Variants in SCN9A observed in about 807,000 individuals in gnomAD.
The protein encoded by SCN9A is sodium voltage-gated channel alpha subunit 9, also known as sodium channel protein type 9 subunit alpha.
In SCN9A, 131 loss-of-function variants were observed where a neutral mutation model predicts 187.0. The observed-to-expected ratio is 0.70, with a 90% CI of 0.61 to 0.81. The LOEUF (loss-of-function observed/expected upper bound fraction) is 0.81, where lower values mean the gene tolerates loss of function less well. Among genes scored for constraint, SCN9A ranks in the 30% least tolerant of loss-of-function variants. The probability of loss-of-function intolerance (pLI) is 0.00; values close to 1 mark genes in which losing one functional copy is unlikely to be tolerated. For synonymous variants in SCN9A, 809 were observed against 808.6 expected, an observed-to-expected ratio of 1.00 and a Z score of -0.01; for missense variants, 2,252 against 2,396.6, an observed-to-expected ratio of 0.94 and a Z score of 1.26.
chr2:166,225,305 T>C (rs1436911637), intron 24 of SCN9A, among the ~76,000 whole-genome samples: 2 of 152,178 alleles, frequency 1.3e-5, no homozygotes, highest in East Asian at 3.8e-4. Flanking sequence ...TTCTCAATTG[T>C]CACGTATTTC....
intron 1 of SCN9A, among the ~76,000 whole-genome samples, chr2:166,321,986 A>G (rs1028622281): frequency 1.3e-5 from 2 of 152,080 alleles, no homozygotes; most frequent in South Asian, 2.1e-4. Flanking sequence ...CTGTAAAATA[A>G]TCAAGAGTTA....
intron 1 of SCN9A, among the ~76,000 whole-genome samples, chr2:166,360,298 A>T (rs1332613438): frequency 6.6e-6 from 1 of 151,730 alleles, no homozygotes; most frequent in Admixed American, 6.6e-5. Flanking sequence ...GGGAAAACTT[A>T]AGATTAGTGT....
At chr2:166,207,114 T>C (rs1008972030) in intron 24 of SCN9A, among the ~76,000 whole-genome samples, 1 of 152,236 alleles carries the variant, frequency 6.6e-6, no homozygotes, top group Non-Finnish European at 1.5e-5. Context: ...TACAGATTTA[T>C]GTATATTCTA....
intron 1 of SCN9A, among the ~76,000 whole-genome samples, chr2:166,344,444 C>A (rs551440261): frequency 6.6e-6 from 1 of 152,052 alleles, no homozygotes; most frequent in African/African-American, 2.4e-5. Flanking sequence ...CAGCATCTTA[C>A]GAAACTAAGG....
At chr2:166,327,552 T>C (rs1699394753) in intron 1 of SCN9A, among the ~76,000 whole-genome samples, 1 of 152,168 alleles carries the variant, frequency 6.6e-6, no homozygotes, top group South Asian at 2.1e-4. Context: ...ATTTATTATA[T>C]TTAGGGATTT....
At chr2:166,310,289 T>G (rs71428910) in intron 2 of SCN9A, among the ~76,000 whole-genome samples, 7,892 of 64,736 alleles carry the variant, frequency 0.12, 3,181 homozygotes, top group African/African-American at 0.5. Context: ...CACAGCAAAA[T>G]AAACTACCAT....
chr2:166,216,337 G>A (rs545824821), intron 24 of SCN9A, among the ~76,000 whole-genome samples: 4 of 152,078 alleles, frequency 2.6e-5, no homozygotes, highest in African/African-American at 4.8e-5. Flanking sequence ...CAAGGATATC[G>A]ACTATTACCA....
At chr2:166,256,216 T>C (rs937347439) in intron 17 of SCN9A, among the ~76,000 whole-genome samples, 3 of 151,446 alleles carry the variant, frequency 2.0e-5, no homozygotes, top group Non-Finnish European at 3.0e-5. Context: ...TATCCTCTTA[T>C]AGAGTTTTTA....
intron 7 of SCN9A, among the ~76,000 whole-genome samples, chr2:166,299,836 T>A (rs991599400): frequency 6.6e-6 from 1 of 150,862 alleles, no homozygotes; most frequent in African/African-American, 2.5e-5. Flanking sequence ...TTTAGCTAGC[T>A]AATAGTGACC....
intron 21 of SCN9A, 113 bp downstream of exon 21, chr2:166,233,227 A>G (rs1695173980): frequency 1.5e-6 from 1 of 676,248 alleles, no homozygotes; most frequent in Non-Finnish European, 2.3e-6. Flanking sequence ...ATACATAAAC[A>G]GCCTATGTAT....
chr2:166,284,307 C>G lies in SCN9A; in HGVS notation c.1974+146G>C. On this transcript the variant is annotated intron_variant, in intron 12 of 26. Transcript: ENST00000642356. ...TACAACACATAGAATGAGGATTAGG[C>G]TAATGAATCAAAGGTGTGTTCCTAT... 3.3e-6 allele frequency: 3 copies of G among 910,248 alleles called. No homozygotes were observed. In the East Asian group the frequency reaches 7.9e-5, roughly 24 times the overall value. 56.4% of individuals were successfully genotyped at this position (910,248 alleles called of 1,614,324 possible).
At chr2:166,340,168 G>T (rs1030877925) in intron 1 of SCN9A, among the ~76,000 whole-genome samples, 2 of 151,992 alleles carry the variant, frequency 1.3e-5, no homozygotes, top group African/African-American at 4.8e-5. Flanking sequence ...AACACATCTT[G>T]GGAAGAATGT....
At chr2:166,296,491 G>A (rs565583736) in intron 7 of SCN9A, among the ~76,000 whole-genome samples, 1 of 152,184 alleles carries the variant, frequency 6.6e-6, no homozygotes, top group South Asian at 2.1e-4. Context: ...GGGCCTGGTA[G>A]AGTGAGTATG....
At chr2:166,238,815 G>A (rs1406857885) in intron 19 of SCN9A, among the ~76,000 whole-genome samples, 1 of 152,074 alleles carries the variant, frequency 6.6e-6, no homozygotes, top group Admixed American at 6.6e-5. Context: ...AACACAGAGG[G>A]TGCTTTTTCC....
At chr2:166,314,178 T>G (rs1385793381) in intron 1 of SCN9A, among the ~76,000 whole-genome samples, 1 of 152,190 alleles carries the variant, frequency 6.6e-6, no homozygotes, top group Non-Finnish European at 1.5e-5. Flanking sequence ...GTGACACAGA[T>G]GCATGAAGTG....
chr2:166,355,005 A>G (rs1700119291), intron 1 of SCN9A, among the ~76,000 whole-genome samples: 3 of 152,190 alleles, frequency 2.0e-5, no homozygotes, highest in Admixed American at 6.6e-5. Flanking sequence ...GTGCAATCAT[A>G]GCTGACTGCA....
chr2:166,243,320 C>T (rs879438953), intron 18 of SCN9A, among the ~76,000 whole-genome samples: 2 of 152,012 alleles, frequency 1.3e-5, no homozygotes, highest in Non-Finnish European at 2.9e-5. Flanking sequence ...ACCCTTGTTA[C>T]GTATCTTTTA....
rs397868358 is a variant in SCN9A, at chr2:166,319,349, C to CAA, written c.-50-7545_-50-7544dup. Reference sequence around the variant, plus strand: ...TAAGTTACTTTGGATTAAGGTAGAGCAAAAAAAAAAAAGTACTTCTAAAAC... The same window carrying CAA: ...TAAGTTACTTTGGATTAAGGTAGAGCAAAAAAAAAAAAAAGTACTTCTAAAAC... On this transcript the variant is annotated intron_variant, in intron 1 of 26. Transcript: ENST00000642356. 5.0e-3 allele frequency among the ~76,000 whole-genome samples: 676 copies of CAA among 134,812 alleles called. 5 individuals carry two copies. The highest frequency in any genetic ancestry group is 0.015 in the African/African-American group (522 of 35,656). 88.4% of individuals were successfully genotyped at this position (134,812 alleles called of 152,430 possible).
At chr2:166,311,854 A>G (rs1698973864) in intron 1 of SCN9A, 48 bp from the exon 2 acceptor site, 1 of 1,202,402 alleles carries the variant, frequency 8.3e-7, no homozygotes, top group East Asian at 2.4e-5. Context: ...CCTGCCAAGA[A>G]AGGCCCATTA....
Sources: allele counts gnomAD v4.1 joint callset (sites outside exome capture counted in the v4.1 genomes callset), GRCh38; gene constraint gnomAD v4.1.1; transcripts MANE v1.5; gene names NCBI Gene and HGNC (gene_info 2026-07-23, HGNC 2026-07-21).